LTV1: variants seen among roughly 807,000 people sequenced by gnomAD.
LTV1 encodes protein LTV1 homolog.
Under a neutral mutation model 59.9 loss-of-function variants are expected in LTV1, and 39 were observed. The ratio of observed to expected loss-of-function variants is 0.65; its 90% confidence interval spans 0.50 to 0.85. LTV1 has a LOEUF of 0.85. Among genes scored for constraint, LTV1 ranks in the 40% least tolerant of loss-of-function variants. The pLI, the probability that LTV1 is intolerant of heterozygous loss-of-function variation, is 0.00. For missense variants in LTV1, 493 were observed against 549.1 expected, an observed-to-expected ratio of 0.90 and a Z score of 1.02; for synonymous variants, 171 against 189.5, an observed-to-expected ratio of 0.90 and a Z score of 0.80.
At position 143,857,774 on chromosome 6, in the gene LTV1, A is replaced by G; in HGVS notation, c.562A>G (p.Ser188Gly). 1 of 1,614,148 alleles carries G rather than the reference A, an allele frequency of 6.2e-7. No homozygotes were observed. Residue 188 changes from serine (S) to glycine (G), a missense_variant, in exon 6 of 11, where the codon AGC (serine) becomes GGC (glycine). Ser to Gly is a moderately conservative substitution (Grantham distance 56). Coordinates refer to ENST00000367576, the MANE Select transcript of LTV1 (RefSeq NM_032860.5). The surrounding 1 kb of genome is among the most constrained non-coding windows in gnomAD (Gnocchi z 5.2). ...TAGGAAATCTGAGAATGAAGATGAC[A>G]GCGAGTGGGAAGATGTGGATGATGA... ...DIQKSENEDD[S>G]EWEDVDDEKG... is the part of the protein sequence containing the mutation.
intron 1 of LTV1, 62 bp from the exon 2 acceptor site, chr6:143,844,424 G>A: frequency 6.4e-7 from 1 of 1,569,064 alleles, no homozygotes; most frequent in South Asian, 1.1e-5. Flanking sequence ...TGTGGACTAT[G>A]GAATTATTCT....
rs768605175 is a variant in LTV1 at position 143,857,281 on chromosome 6, T to C, written c.398-22T>C. The C allele has an allele frequency of 3.3e-5, 53 of 1,612,640 alleles. No homozygotes were observed. The East Asian group carries it at 7.4e-4, about 22-fold the overall frequency. ...TTGTTGCTATCTTGGGAATTACTGCTTAATTTTTGTTTTCCTTCTAGGACC... is the reference window on the plus strand; with the variant it reads ...TTGTTGCTATCTTGGGAATTACTGCCTAATTTTTGTTTTCCTTCTAGGACC... On this transcript the variant is annotated intron_variant, in intron 4 of 10. Transcript: ENST00000367576. This position sits in a 1 kb window ranked among gnomAD's most constrained non-coding sequence, Gnocchi z 5.2.
At chr6:143,860,623 C>G in intron 7 of LTV1, 70 bp downstream of exon 7, 1 of 1,367,664 alleles carries the variant, frequency 7.3e-7, no homozygotes, top group Non-Finnish European at 9.8e-7. Flanking sequence ...AAAGAAAGGT[C>G]TATAGTATAA....
At chr6:143,849,572 TAGAG>T (rs1267977317) in intron 3 of LTV1, among the ~76,000 whole-genome samples, 1 of 152,204 alleles carries the variant, frequency 6.6e-6, no homozygotes, top group East Asian at 1.9e-4. Context: ...TGATGTATTA[TAGAG>T]AGTTACTTTT....
intron 4 of LTV1, among the ~76,000 whole-genome samples, chr6:143,854,641 T>C (rs904870178): frequency 6.6e-6 from 1 of 152,244 alleles, no homozygotes; most frequent in Non-Finnish European, 1.5e-5. Flanking sequence ...TTCTGGTATG[T>C]TGTGTCTTTT....
In LTV1 at chr6:143,843,372, T is replaced by C. The variant is rs1281990490; in HGVS notation, c.-106T>C. 3.7e-6 allele frequency: 5 copies of C among 1,362,532 alleles called. No homozygotes were observed. In the East Asian group the frequency reaches 6.9e-5, roughly 19 times the overall value. The allele number at this position is 1,362,532 out of a possible 1,614,324, so 84.4% of individuals were successfully genotyped here. ...TCGCCGGGTCCTGGGGCTGCACGTG[T>C]GGTGAGGCCTACAGAAGCGGCCTTC... is the stretch of plus-strand genomic sequence containing the variant. On this transcript the variant is annotated 5_prime_UTR_variant, in exon 1 of 11. Transcript: ENST00000367576.
intron 6 of LTV1, among the ~76,000 whole-genome samples, chr6:143,859,333 A>G (rs1407785966): frequency 6.6e-6 from 1 of 152,228 alleles, no homozygotes; most frequent in Non-Finnish European, 1.5e-5. Flanking sequence ...TCTGTAGCAC[A>G]TAACACCTCC....
intron 3 of LTV1, among the ~76,000 whole-genome samples, chr6:143,848,859 G>A (rs1776938751): frequency 1.3e-5 from 2 of 152,204 alleles, no homozygotes; most frequent in South Asian, 2.1e-4. Flanking sequence ...TTTTCAGTCA[G>A]GCTGCCGAGA....
At chr6:143,849,824 C>T (rs937191255) in intron 3 of LTV1, among the ~76,000 whole-genome samples, 6 of 152,114 alleles carry the variant, frequency 3.9e-5, no homozygotes, top group Non-Finnish European at 7.4e-5. Context: ...TGTTGAATGG[C>T]TCATTCCTAA....
intron 3 of LTV1, among the ~76,000 whole-genome samples, chr6:143,849,652 A>G (rs892778811): frequency 2.0e-5 from 3 of 152,210 alleles, no homozygotes; most frequent in Non-Finnish European, 4.4e-5. Context: ...GAGAACACAG[A>G]ATGTAGTTGT....
At chr6:143,853,402 G>A (rs190498564) in intron 4 of LTV1, among the ~76,000 whole-genome samples, 3 of 152,260 alleles carry the variant, frequency 2.0e-5, no homozygotes, top group Admixed American at 1.3e-4. Context: ...AGACAGTGAT[G>A]TTAATCTGCA....
intron 4 of LTV1, among the ~76,000 whole-genome samples, chr6:143,851,773 T>G (rs1182361241): frequency 3.3e-5 from 5 of 152,038 alleles, no homozygotes; most frequent in Non-Finnish European, 5.9e-5. Context: ...CCTCCCTGTG[T>G]CCATATGTTC....
intron 3 of LTV1, among the ~76,000 whole-genome samples, chr6:143,846,426 A>G (rs1776891994): frequency 1.3e-5 from 2 of 152,376 alleles, no homozygotes; most frequent in South Asian, 4.1e-4. Context: ...AGGTGTCAAC[A>G]GTAACAGCCT....
intron 4 of LTV1, among the ~76,000 whole-genome samples, chr6:143,853,421 C>T (rs2128491509): frequency 1.3e-5 from 2 of 152,274 alleles, no homozygotes; most frequent in East Asian, 3.9e-4. Context: ...CAAACAGAGA[C>T]AATTTGACTT....
chr6:143,845,968 C>T (rs1776882351), intron 2 of LTV1, 83 bp from the exon 3 acceptor site: 1 of 1,340,596 alleles, frequency 7.5e-7, no homozygotes, highest in Admixed American at 2.0e-5. Context: ...TTGTAATATT[C>T]CCATGCCTTA....
rs1336053033 is a variant in LTV1 at position 143,862,881 on chromosome 6, CAAG to C, written c.1102_1104del (p.Lys368del). On this transcript the variant is annotated inframe_deletion, in exon 9 of 11. Transcript: ENST00000367576. The surrounding 1 kb of genome is among the most constrained non-coding windows in gnomAD (Gnocchi z 4.2). ...ATTTATATAACCATCCACAGCTTATCAAGTATCAACCAAAGGTAAGTCCTAGTG... is the reference window on the plus strand; with the variant it reads ...ATTTATATAACCATCCACAGCTTATCTATCAACCAAAGGTAAGTCCTAGTG... 2 of 1,595,810 alleles carry C rather than the reference CAAG, an allele frequency of 1.3e-6. No individual in the cohort carries two copies. The highest frequency in any genetic ancestry group is 2.7e-5 in the African/African-American group (2 of 74,486).
intron 4 of LTV1, among the ~76,000 whole-genome samples, chr6:143,852,371 A>G (rs955795531): frequency 6.6e-6 from 1 of 152,096 alleles, no homozygotes; most frequent in Non-Finnish European, 1.5e-5. Context: ...AAATGTCTTC[A>G]TTTGAGAAAT....
intron 6 of LTV1, 61 bp downstream of exon 6, chr6:143,858,068 A>G: frequency 2.0e-6 from 3 of 1,517,268 alleles, no homozygotes; most frequent in Non-Finnish European, 2.7e-6. Context: ...TTTTTTTAAT[A>G]CCTGTCAGCT....
chr6:143,857,628 C>T lies in LTV1; in HGVS notation c.540-124C>T. ...CTACCAAACCAGATTGATCAAACAC[C>T]CTCACTCTTCCTGCCTAGACAAGAA... is the stretch of plus-strand genomic sequence containing the variant. On this transcript the variant is annotated intron_variant, in intron 5 of 10. Coordinates refer to ENST00000367576, the MANE Select transcript of LTV1 (RefSeq NM_032860.5). This position sits in a 1 kb window ranked among gnomAD's most constrained non-coding sequence, Gnocchi z 5.2. The T allele has an allele frequency of 8.6e-7, 1 of 1,157,598 alleles. No homozygotes were observed. The highest frequency in any genetic ancestry group is 1.3e-6 in the Non-Finnish European group (1 of 798,072). The allele number at this position is 1,157,598 out of a possible 1,614,324, so 71.7% of individuals were successfully genotyped here. A position where few individuals can be genotyped will look rare whatever the true frequency, so the allele number is the denominator to read the frequency against.
Sources: gnomAD v4.1 joint callset for allele counts (sites outside exome capture counted in the v4.1 genomes callset) on GRCh38, gnomAD v4.1.1 for gene constraint, Gnocchi (gnomAD v3.1) non-coding constraint, MANE v1.5 for transcripts, NCBI Gene and HGNC (gene_info 2026-07-23, HGNC 2026-07-21) for gene names.